The following AIG1 variants were observed in gnomAD, a reference collection of about 807,000 sequenced individuals.
AIG1 encodes the protein androgen induced 1.
AIG1 carries 23 observed loss-of-function variants against 31.4 expected under a neutral mutation model. The observed-to-expected ratio is 0.73, with a 90% CI of 0.53 to 1.04. The LOEUF is 1.04. AIG1 is among the 50% of genes least tolerant of loss of function. AIG1 has a pLI of 0.00. For synonymous variants in AIG1, 100 were observed against 110.5 expected (o/e 0.90, Z 0.60); for missense variants, 274 against 295.0 (o/e 0.93, Z 0.52).
At chr6:143,151,290 AG>A (rs1394616793) in intron 2 of AIG1, among the ~76,000 whole-genome samples, 1 of 152,180 alleles carries the variant, frequency 6.6e-6, no homozygotes, top group African/African-American at 2.4e-5. Flanking sequence ...TGTGTTTGTA[AG>A]TGTGCTCCCA....
At chr6:143,216,164 T>C (rs960735625) in intron 3 of AIG1, among the ~76,000 whole-genome samples, 1 of 152,116 alleles carries the variant, frequency 6.6e-6, no homozygotes, top group Non-Finnish European at 1.5e-5. Flanking sequence ...TCTTGTTTCA[T>C]TTTAAAAAGG....
chr6:143,242,188 A>G (rs1353522637), intron 3 of AIG1, among the ~76,000 whole-genome samples: 1 of 152,214 alleles, frequency 6.6e-6, no homozygotes, highest in Non-Finnish European at 1.5e-5. Flanking sequence ...AGGAGAAGCA[A>G]GAACGCAGCC....
At chr6:143,244,588 G>A (rs1405541767) in intron 3 of AIG1, among the ~76,000 whole-genome samples, 1 of 152,154 alleles carries the variant, frequency 6.6e-6, no homozygotes, top group Non-Finnish European at 1.5e-5. Flanking sequence ...CTATATACTT[G>A]TAGCAGATGA....
At chr6:143,203,995 T>C (rs933443358) in intron 3 of AIG1, among the ~76,000 whole-genome samples, 3 of 152,178 alleles carry the variant, frequency 2.0e-5, no homozygotes, top group Non-Finnish European at 4.4e-5. Flanking sequence ...AGAGTTTTAT[T>C]GTATAACATG....
At chr6:143,091,878 T>G (rs1204525962) in intron 1 of AIG1, among the ~76,000 whole-genome samples, 1 of 152,184 alleles carries the variant, frequency 6.6e-6, no homozygotes, top group Non-Finnish European at 1.5e-5. Flanking sequence ...TTTTGTTACT[T>G]TTTTCCTCTA....
At chr6:143,314,219 A>G (rs545078407) in intron 4 of AIG1, among the ~76,000 whole-genome samples, 61 of 144,820 alleles carry the variant, frequency 4.2e-4, no homozygotes, top group African/African-American at 1.6e-3. Flanking sequence ...AAGTTAAAGT[A>G]GCTGAGTGAG....
intron 1 of AIG1, among the ~76,000 whole-genome samples, chr6:143,090,564 A>G (rs1027717495): frequency 3.3e-5 from 5 of 152,238 alleles, no homozygotes; most frequent in African/African-American, 4.8e-5. Context: ...AGTGACGCAC[A>G]TGAATTTTTT....
At chr6:143,078,877 A>AT (rs1374629856) in intron 1 of AIG1, among the ~76,000 whole-genome samples, 3 of 152,238 alleles carry the variant, frequency 2.0e-5, no homozygotes, top group Middle Eastern at 6.8e-3. Context: ...AGAAATGTTG[A>AT]TTTTGTTTAT....
Position 143,279,597 on chromosome 6 carries a change from C to T in AIG1, c.400-4513C>T, listed in dbSNP as rs995675587. Among the ~76,000 whole-genome samples the T allele has an allele frequency of 6.6e-6, 1 of 152,168 alleles. No individual in the cohort carries two copies. Among genetic ancestry groups the T allele is most frequent in the Non-Finnish European group, 1.5e-5 (1 of 68,026 alleles). The stretch of plus-strand genomic sequence containing the variant: ...CTGCTCTGTGTGGAGGTGACACCCC[C>T]TTGTGGATCTCTTCTGCAAATAGAC... On this transcript the variant is annotated intron_variant, in intron 3 of 5. Transcript: ENST00000357847. This position sits in a 1 kb window ranked among gnomAD's most constrained non-coding sequence, Gnocchi z 5.4.
At position 143,297,528 on chromosome 6, in the gene AIG1, G is replaced by A. The variant is rs930901253; in HGVS notation, c.515+13303G>A. On this transcript the variant is annotated intron_variant, in intron 4 of 5. Transcript: ENST00000357847. This position sits in a 1 kb window ranked among gnomAD's most constrained non-coding sequence, Gnocchi z 5.1. ...TGGATGGTTGGGTGGTTGGATGGAT[G>A]GTTGGGTGGTTGGATGGCTGGGTGA... 6.6e-6 allele frequency among the ~76,000 whole-genome samples: 1 copy of A among 151,536 alleles called. No homozygotes were observed. The highest frequency in any genetic ancestry group is 1.5e-5 in the Non-Finnish European group (1 of 67,850).
At chr6:143,263,272 TTTG>T (rs1327623556) in intron 3 of AIG1, among the ~76,000 whole-genome samples, 1 of 108,658 alleles carries the variant, frequency 9.2e-6, no homozygotes, top group African/African-American at 3.9e-5. Context: ...TAGTCCTTTA[TTTG>T]TTTTTTTTTT....
chr6:143,108,533 C>G (rs1335218707), intron 1 of AIG1, among the ~76,000 whole-genome samples: 2 of 152,182 alleles, frequency 1.3e-5, no homozygotes, highest in African/African-American at 4.8e-5. Context: ...AGATTTCTCA[C>G]TTAACAACTT....
chr6:143,191,061 G>A (rs547465329), intron 3 of AIG1, among the ~76,000 whole-genome samples: 41 of 151,980 alleles, frequency 2.7e-4, no homozygotes, highest in Non-Finnish European at 4.9e-4. Flanking sequence ...GCATCCCTGG[G>A]GTTCAAAAAA....
chr6:143,181,645 T>C (rs1159825567), intron 3 of AIG1, among the ~76,000 whole-genome samples: 1 of 152,186 alleles, frequency 6.6e-6, no homozygotes, highest in Non-Finnish European at 1.5e-5. Flanking sequence ...CAGAATATTA[T>C]AAACTGGAAA....
chr6:143,207,119 C>A (rs1791169383), intron 3 of AIG1, among the ~76,000 whole-genome samples: 1 of 152,024 alleles, frequency 6.6e-6, no homozygotes, highest in Admixed American at 6.6e-5. Context: ...TTGTATCACA[C>A]CCTCCAGATA....
chr6:143,249,348 G>T (rs1211036172), intron 3 of AIG1, among the ~76,000 whole-genome samples: 1 of 152,170 alleles, frequency 6.6e-6, no homozygotes, highest in Non-Finnish European at 1.5e-5. Context: ...TCCAGGCTGG[G>T]TTTTAAGTCC....
At chr6:143,086,136 G>A (rs1778757778) in intron 1 of AIG1, among the ~76,000 whole-genome samples, 1 of 152,170 alleles carries the variant, frequency 6.6e-6, no homozygotes, top group African/African-American at 2.4e-5. Flanking sequence ...ATGCATTTGG[G>A]CCATCCATGG....
At chr6:143,242,082 C>T (rs1379942410) in intron 3 of AIG1, among the ~76,000 whole-genome samples, 2 of 152,062 alleles carry the variant, frequency 1.3e-5, no homozygotes, top group Admixed American at 6.6e-5. Context: ...TCTGTCGACA[C>T]GTCTCCCCCT....
At chr6:143,106,912 G>A (rs1207580397) in intron 1 of AIG1, among the ~76,000 whole-genome samples, 2 of 152,042 alleles carry the variant, frequency 1.3e-5, no homozygotes, top group Admixed American at 6.6e-5. Flanking sequence ...GCTCTCTCTC[G>A]GGCCTCTTTT....
Sources: allele counts gnomAD v4.1 joint callset (sites outside exome capture counted in the v4.1 genomes callset), GRCh38; gene constraint gnomAD v4.1.1; non-coding constraint Gnocchi (gnomAD v3.1); transcripts MANE v1.5; gene names NCBI Gene and HGNC (gene_info 2026-07-23, HGNC 2026-07-21).